GRIN2A: variants seen among roughly 807,000 people sequenced by gnomAD.
GRIN2A encodes glutamate ionotropic receptor NMDA type subunit 2A, also known as glutamate receptor ionotropic, NMDA 2A.
In GRIN2A, 22 loss-of-function variants were observed where a neutral mutation model predicts 113.4. The ratio of observed to expected loss-of-function variants is 0.19; its 90% confidence interval spans 0.14 to 0.28. The LOEUF (loss-of-function observed/expected upper bound fraction) is 0.28. GRIN2A is among the 10% of genes least tolerant of loss of function. The pLI, the probability that GRIN2A is intolerant of heterozygous loss-of-function variation, is 1.00. For synonymous variants in GRIN2A, 827 were observed against 738.4 expected (o/e 1.12, Z -1.94); for missense variants, 1,502 against 1,887.0 (o/e 0.80, Z 3.78).
chr16:9,974,163 GAGAC>G (rs1478495141), intron 2 of GRIN2A, among the ~76,000 whole-genome samples: 1 of 152,154 alleles, frequency 6.6e-6, no homozygotes, highest in Non-Finnish European at 1.5e-5. Context: ...TGGAAGAAGA[GAGAC>G]AGGCCCTCTC....
At chr16:10,112,789 A>T (rs1222243045) in intron 2 of GRIN2A, 1 of 695,962 alleles carries the variant, frequency 1.4e-6, no homozygotes, top group East Asian at 2.9e-5. Flanking sequence ...TCCATGATGT[A>T]CTCAGGAGAG....
intron 2 of GRIN2A, among the ~76,000 whole-genome samples, chr16:9,972,714 G>A (rs1264042582): frequency 6.6e-6 from 1 of 152,172 alleles, no homozygotes; most frequent in Non-Finnish European, 1.5e-5. Flanking sequence ...AAGCAGAGGG[G>A]CTTTTATAAA....
chr16:9,996,091 A>G (rs2046219788), intron 2 of GRIN2A, among the ~76,000 whole-genome samples: 2 of 151,696 alleles, frequency 1.3e-5, no homozygotes, highest in Non-Finnish European at 2.9e-5. Flanking sequence ...AGAAGGAAAC[A>G]GAGAAAGGAG....
chr16:9,977,792 G>A (rs999635031), intron 2 of GRIN2A, among the ~76,000 whole-genome samples: 1 of 152,110 alleles, frequency 6.6e-6, no homozygotes, highest in African/African-American at 2.4e-5. Context: ...GCTTTTCCTT[G>A]GGGAGTAGAC....
intron 2 of GRIN2A, chr16:10,112,021 G>T: frequency 1.6e-6 from 1 of 644,652 alleles, no homozygotes. Flanking sequence ...GTCAATGATC[G>T]CCATGAGCTA....
chr16:9,913,499 C>G (rs941074067), intron 3 of GRIN2A, among the ~76,000 whole-genome samples: 2 of 152,084 alleles, frequency 1.3e-5, no homozygotes, highest in African/African-American at 4.8e-5. Context: ...TATGTTTCCC[C>G]TCTATATAGA....
At chr16:9,807,883 G>A (rs1449216372) in intron 10 of GRIN2A, among the ~76,000 whole-genome samples, 4 of 152,190 alleles carry the variant, frequency 2.6e-5, no homozygotes, top group Non-Finnish European at 5.9e-5. Context: ...AACATAATCT[G>A]TCTCCTATGT....
At chr16:9,962,381 T>C (rs975894073) in intron 2 of GRIN2A, among the ~76,000 whole-genome samples, 3 of 151,798 alleles carry the variant, frequency 2.0e-5, no homozygotes, top group Non-Finnish European at 2.9e-5. Context: ...AGGGCTAATA[T>C]CCAGAATCTA....
intron 7 of GRIN2A, 82 bp from the exon 8 acceptor site, chr16:9,834,312 G>A: frequency 3.1e-6 from 4 of 1,304,950 alleles, no homozygotes; most frequent in Non-Finnish European, 4.4e-6. Flanking sequence ...ACATCCATTT[G>A]CAGGCTCGCC....
chr16:10,092,074 G>C (rs1014500184), intron 2 of GRIN2A, among the ~76,000 whole-genome samples: 1 of 152,178 alleles, frequency 6.6e-6, no homozygotes, highest in African/African-American at 2.4e-5. Flanking sequence ...CCACACAATA[G>C]TTTAGTCATC....
chr16:9,888,836 A>G (rs1431169137), intron 4 of GRIN2A, among the ~76,000 whole-genome samples: 4 of 152,194 alleles, frequency 2.6e-5, no homozygotes, highest in Middle Eastern at 6.8e-3. Flanking sequence ...ATTTTGTCAA[A>G]TGCTTTTTCC....
At chr16:9,837,869 T>C (rs961746465) in intron 7 of GRIN2A, among the ~76,000 whole-genome samples, 2 of 152,178 alleles carry the variant, frequency 1.3e-5, no homozygotes, top group Non-Finnish European at 2.9e-5. Flanking sequence ...AGGGTCCACA[T>C]TACTCCAACA....
intron 8 of GRIN2A, among the ~76,000 whole-genome samples, chr16:9,833,245 G>A (rs901641727): frequency 6.6e-6 from 1 of 152,166 alleles, no homozygotes; most frequent in African/African-American, 2.4e-5. Context: ...TCTACTGATT[G>A]TCCCTTTATC....
At chr16:9,952,966 A>T (rs1412328923) in intron 2 of GRIN2A, among the ~76,000 whole-genome samples, 1 of 152,172 alleles carries the variant, frequency 6.6e-6, no homozygotes, top group African/African-American at 2.4e-5. Context: ...GGTTGACGAG[A>T]AGAATCCATG....
At chr16:10,047,826 A>G (rs2047286843) in intron 2 of GRIN2A, among the ~76,000 whole-genome samples, 1 of 152,220 alleles carries the variant, frequency 6.6e-6, no homozygotes, top group Non-Finnish European at 1.5e-5. Flanking sequence ...CTTGGCAGGA[A>G]TAATTCTCAG....
chr16:9,986,764 CAAAA>C (rs3065539), intron 2 of GRIN2A, among the ~76,000 whole-genome samples: 18 of 112,020 alleles, frequency 1.6e-4, no homozygotes, highest in Admixed American at 2.9e-4. Flanking sequence ...GACGCTGTCT[CAAAA>C]AAAAAAAAAA....
chr16:10,083,749 C>T (rs1378839190), intron 2 of GRIN2A, among the ~76,000 whole-genome samples: 1 of 152,152 alleles, frequency 6.6e-6, no homozygotes, highest in Non-Finnish European at 1.5e-5. Context: ...ATGAAGAGTC[C>T]TTAGATAGCC....
At chr16:9,978,306 T>C (rs757879105) in intron 2 of GRIN2A, among the ~76,000 whole-genome samples, 20 of 152,174 alleles carry the variant, frequency 1.3e-4, no homozygotes, top group Non-Finnish European at 2.4e-4. Flanking sequence ...TGGCTCAGCC[T>C]CTTCCTATCT....
intron 2 of GRIN2A, among the ~76,000 whole-genome samples, chr16:10,142,779 C>A (rs986934992): frequency 1.2e-4 from 18 of 152,216 alleles, no homozygotes; most frequent in African/African-American, 2.4e-5. Context: ...AAGTCCCTGT[C>A]TCTGAATCAG....
Sources: allele counts gnomAD v4.1 joint callset (sites outside exome capture counted in the v4.1 genomes callset), GRCh38; gene constraint gnomAD v4.1.1; transcripts MANE v1.5; gene names NCBI Gene and HGNC (gene_info 2026-07-23, HGNC 2026-07-21).